PAICS: variants seen among roughly 807,000 people sequenced by gnomAD.
PAICS encodes the protein phosphoribosylaminoimidazole carboxylase and phosphoribosylaminoimidazolesuccinocarboxamide synthase.
A neutral mutation model predicts 53.7 loss-of-function variants in PAICS; 33 were observed. The observed-to-expected ratio is 0.61, with a 90% CI of 0.47 to 0.82. PAICS has a LOEUF of 0.82. Ranked by LOEUF, PAICS falls within the 40% of genes least tolerant of loss-of-function variation. The probability of loss-of-function intolerance (pLI) is 0.00; values close to 1 mark genes in which losing one functional copy is unlikely to be tolerated. For missense variants in PAICS, 394 were observed against 494.1 expected (o/e 0.80, Z 1.92); for synonymous variants, 141 against 167.2 (o/e 0.84, Z 1.21).
the PAICS span, among the ~76,000 whole-genome samples, chr4:56,425,155 A>C: frequency 6.6e-6 from 1 of 152,226 alleles, no homozygotes; most frequent in East Asian, 1.9e-4. Context: ...ACCATCTCAA[A>C]GGGTACGCTA....
the PAICS span, among the ~76,000 whole-genome samples, chr4:56,428,564 T>C: frequency 6.6e-6 from 1 of 152,136 alleles, no homozygotes; most frequent in African/African-American, 2.4e-5. Context: ...AGAAGTTGAC[T>C]GCATCCTAAG....
chr4:56,431,480 C>G (rs1457668362), upstream of PAICS: 4 of 976,732 alleles, frequency 4.1e-6, no homozygotes, highest in African/African-American at 5.3e-5. Flanking sequence ...TCAGTTTCCT[C>G]AAAGCGTAAT....
chr4:56,432,547 A>AGGC (rs1370812939), upstream of PAICS, among the ~76,000 whole-genome samples: 1 of 144,868 alleles, frequency 6.9e-6, no homozygotes, highest in Non-Finnish European at 1.5e-5. Flanking sequence ...AAAAAAAGGG[A>AGGC]GGCCAAGGCG....
chr4:56,436,721 C>T (rs916041158), intron 1 of PAICS, among the ~76,000 whole-genome samples: 2 of 152,142 alleles, frequency 1.3e-5, no homozygotes, highest in African/African-American at 4.8e-5. Flanking sequence ...GAGGCCGGGC[C>T]TGGTGGCTCA....
At chr4:56,435,913 A>T, upstream of PAICS, 1 of 1,489,250 alleles carries the variant, frequency 6.7e-7, no homozygotes, top group Non-Finnish European at 9.0e-7. Context: ...TGCTTCCCCC[A>T]GGCCGTCAAG....
At position 56,462,984 on chromosome 4, in the gene PAICS, G is replaced by A. The variant is rs1332627800; in HGVS notation, c.*3446G>A. On this transcript the variant is annotated 3_prime_UTR_variant, in exon 9 of 9. Coordinates refer to ENST00000512576, the MANE Select transcript of PAICS (RefSeq NM_001079524.2). ...CATTGTACTCCAGCCTGGGCAACAA[G>A]AGCAAAACTCTGTTTCAAAAAAAAA... The A allele has an allele frequency of 6.6e-6, 1 of 151,760 alleles. No homozygotes were observed. The highest frequency in any genetic ancestry group is 1.5e-5 in the Non-Finnish European group (1 of 68,006). The allele number at this position is 151,760 out of a possible 1,614,324, so 9.4% of individuals were successfully genotyped here.
the PAICS span, among the ~76,000 whole-genome samples, chr4:56,415,311 C>T: frequency 6.6e-6 from 1 of 152,264 alleles, no homozygotes; most frequent in African/African-American, 2.4e-5. Flanking sequence ...TATCCGCCTC[C>T]CAATTAGTCT....
At chr4:56,435,374 A>C (rs1288747875), upstream of PAICS, 2 of 1,611,322 alleles carry the variant, frequency 1.2e-6, no homozygotes, top group East Asian at 2.2e-5. Flanking sequence ...CACGAGTCCC[A>C]GAGTGATCAC....
At position 56,448,498 on chromosome 4, in the gene PAICS, C is replaced by A. The variant is rs1484191729; in HGVS notation, c.474C>A (p.Gly158=). The change falls in exon 4 of 9, where the codon GGC becomes GGA. Residue 158 remains glycine (G), a synonymous_variant. Transcript: ENST00000512576. ...AKFCFAGLLI[G]QTEVDIMSHA... Reference sequence around the variant, plus strand: ...TTTGCTTTGCTGGACTTCTTATAGGCCAGACTGAAGTGGATATCATGAGTC... The same window carrying A: ...TTTGCTTTGCTGGACTTCTTATAGGACAGACTGAAGTGGATATCATGAGTC... 1 of 1,612,212 alleles carries A rather than the reference C, an allele frequency of 6.2e-7. No individual in the cohort carries two copies. Among genetic ancestry groups the A allele is most frequent in the African/African-American group, 1.3e-5 (1 of 74,816 alleles).
the PAICS span, among the ~76,000 whole-genome samples, chr4:56,415,518 A>G: frequency 6.6e-6 from 1 of 152,212 alleles, no homozygotes; most frequent in Non-Finnish European, 1.5e-5. Context: ...TTCAATTTTT[A>G]TGGTTGGCAT....
intron 3 of PAICS, among the ~76,000 whole-genome samples, chr4:56,447,260 A>G (rs144486996): frequency 2.0e-5 from 3 of 152,146 alleles, no homozygotes; most frequent in Non-Finnish European, 2.9e-5. Context: ...GTGGTTATGA[A>G]TTTTGTAGGC....
intron 1 of PAICS, among the ~76,000 whole-genome samples, chr4:56,441,208 C>T (rs1718319982): frequency 6.6e-6 from 1 of 152,122 alleles, no homozygotes; most frequent in Admixed American, 6.5e-5. Flanking sequence ...ATATTTTTTC[C>T]TGCAAGATAG....
intron 8 of PAICS, among the ~76,000 whole-genome samples, chr4:56,458,822 A>C (rs1305387587): frequency 2.0e-5 from 3 of 152,156 alleles, no homozygotes; most frequent in Non-Finnish European, 4.4e-5. Flanking sequence ...CTAGGATGTT[A>C]CTTTTTTATT....
At chr4:56,459,316 G>T (rs1719380610) in intron 8 of PAICS, 56 bp from the exon 9 acceptor site, 2 of 1,311,788 alleles carry the variant, frequency 1.5e-6, no homozygotes, top group African/African-American at 1.5e-5. Context: ...TTGTAAGGTT[G>T]TATTTTCATT....
upstream of PAICS, among the ~76,000 whole-genome samples, chr4:56,432,543 A>G (rs1165041699): frequency 3.3e-5 from 5 of 149,842 alleles, no homozygotes; most frequent in South Asian, 4.2e-4. Context: ...AAAAAAAAAA[A>G]GGGAGGCCAA....
the PAICS span, chr4:56,410,841 C>T: frequency 1.0e-6 from 1 of 965,024 alleles, no homozygotes; most frequent in African/African-American, 2.0e-5. Flanking sequence ...GAGGAAGATG[C>T]AAATGGCAGG....
At chr4:56,413,871 T>C in the PAICS span, among the ~76,000 whole-genome samples, 2 of 152,176 alleles carry the variant, frequency 1.3e-5, no homozygotes, top group Non-Finnish European at 2.9e-5. Context: ...CACTCCAGCC[T>C]GGGCGACAAG....
chr4:56,435,584 G>GCT, upstream of PAICS: 1 of 1,572,858 alleles, frequency 6.4e-7, no homozygotes, highest in African/African-American at 1.3e-5. Context: ...CTCGCGACAG[G>GCT]CTCTTCCTTC....
At chr4:56,437,301 G>A (rs1447012711) in intron 1 of PAICS, among the ~76,000 whole-genome samples, 2 of 145,286 alleles carry the variant, frequency 1.4e-5, no homozygotes, top group Non-Finnish European at 3.0e-5. Context: ...GTGTGTGTTC[G>A]TTCCAGTAGT....
Sources: allele counts gnomAD v4.1 joint callset (sites outside exome capture counted in the v4.1 genomes callset), GRCh38; gene constraint gnomAD v4.1.1; transcripts MANE v1.5; gene names NCBI Gene and HGNC (gene_info 2026-07-23, HGNC 2026-07-21).